HS6ST2: variants seen among roughly 807,000 people sequenced by gnomAD.
HS6ST2 encodes heparan sulfate 6-O-sulfotransferase 2.
In HS6ST2, 17 loss-of-function variants were observed where a neutral mutation model predicts 33.0. The observed-to-expected ratio is 0.52, with a 90% confidence interval of 0.35 to 0.77. HS6ST2 has a LOEUF of 0.77. Ranked by LOEUF, HS6ST2 falls within the 30% of genes least tolerant of loss-of-function variation. The pLI, the probability that HS6ST2 is intolerant of heterozygous loss-of-function variation, is 0.01. For missense variants in HS6ST2, 519 were observed against 551.7 expected (o/e 0.94, Z 0.59); for synonymous variants, 248 against 237.1 (o/e 1.05, Z -0.42).
intron 2 of HS6ST2, among the ~76,000 whole-genome samples, chrX:132,892,507 T>C (rs2066326795): frequency 8.9e-6 from 1 of 112,311 alleles, no homozygotes; most frequent in Non-Finnish European, 1.9e-5. Flanking sequence ...TCCACAAATG[T>C]TCAAGAGCCT....
At chrX:132,803,667 T>G (rs1039048818) in intron 2 of HS6ST2, among the ~76,000 whole-genome samples, 3 of 111,702 alleles carry the variant, frequency 2.7e-5, no homozygotes, top group African/African-American at 9.8e-5. Flanking sequence ...CCTCGGCCTC[T>G]CAAAGTGCTG....
At chrX:132,673,138 T>C (rs2063896999) in intron 3 of HS6ST2, among the ~76,000 whole-genome samples, 1 of 112,725 alleles carries the variant, frequency 8.9e-6, no homozygotes, top group African/African-American at 3.2e-5. Flanking sequence ...GGTTTGGCTA[T>C]GATATTTATT....
At chrX:132,840,728 A>G (rs1471004999) in intron 2 of HS6ST2, among the ~76,000 whole-genome samples, 1 of 111,554 alleles carries the variant, frequency 9.0e-6, no homozygotes, top group Non-Finnish European at 1.9e-5. Flanking sequence ...TAAGAATTGA[A>G]GTCAATTCTA....
At chrX:132,784,589 T>C (rs1363527638) in intron 2 of HS6ST2, among the ~76,000 whole-genome samples, 1 of 111,802 alleles carries the variant, frequency 8.9e-6, no homozygotes, top group Non-Finnish European at 1.9e-5. Context: ...GGATCACAGG[T>C]GTGAGCCTCA....
chrX:132,653,474 C>T (rs1226300620), intron 4 of HS6ST2, among the ~76,000 whole-genome samples: 2 of 111,834 alleles, frequency 1.8e-5, no homozygotes, highest in East Asian at 5.6e-4. Context: ...GTGTTTCTAG[C>T]TCCATTATTT....
intron 2 of HS6ST2, among the ~76,000 whole-genome samples, chrX:132,797,836 A>G (rs766931690): frequency 2.7e-5 from 3 of 109,315 alleles, no homozygotes; most frequent in African/African-American, 1.0e-4. Flanking sequence ...ACATGGTGAA[A>G]GCCAGTCTCT....
intron 2 of HS6ST2, among the ~76,000 whole-genome samples, chrX:132,806,680 A>G (rs2065286855): frequency 9.1e-6 from 1 of 110,050 alleles, no homozygotes; most frequent in Non-Finnish European, 1.9e-5. Context: ...GGACACTGAA[A>G]TTTGAATTTC....
chrX:132,898,181 C>T (rs754273699), intron 2 of HS6ST2, among the ~76,000 whole-genome samples: 5 of 109,682 alleles, frequency 4.6e-5, no homozygotes, highest in Non-Finnish European at 9.5e-5. Context: ...CCATCCCCCA[C>T]CTCCCCCTGT....
At chrX:132,631,807 T>C (rs937755710) in intron 4 of HS6ST2, among the ~76,000 whole-genome samples, 2 of 111,100 alleles carry the variant, frequency 1.8e-5, no homozygotes, top group Admixed American at 1.9e-4. Context: ...CTGGTAAATA[T>C]TAAGAGTGCA....
chrX:132,945,280 A>G (rs1488385232), intron 2 of HS6ST2, among the ~76,000 whole-genome samples: 1 of 112,265 alleles, frequency 8.9e-6, no homozygotes, highest in Admixed American at 9.4e-5. Context: ...GCCATCAGAG[A>G]AATGCAAATC....
At chrX:132,890,230 T>A (rs999795139) in intron 2 of HS6ST2, among the ~76,000 whole-genome samples, 1 of 109,610 alleles carries the variant, frequency 9.1e-6, no homozygotes, top group Non-Finnish European at 1.9e-5. Context: ...ATCATTATTC[T>A]TATGTTGCAG....
chrX:132,631,043 C>T (rs940789513), intron 4 of HS6ST2, among the ~76,000 whole-genome samples: 1 of 111,476 alleles, frequency 9.0e-6, no homozygotes, highest in African/African-American at 3.3e-5. Flanking sequence ...GGGCTCTGTC[C>T]TATTCTTCTA....
chrX:132,720,090 A>G (rs1051764666), intron 2 of HS6ST2, among the ~76,000 whole-genome samples: 1 of 112,433 alleles, frequency 8.9e-6, no homozygotes, highest in African/African-American at 3.2e-5. Flanking sequence ...CAGCCCCACC[A>G]TGGTTTCCCT....
At chrX:132,761,176 G>C (rs1253313914) in intron 2 of HS6ST2, among the ~76,000 whole-genome samples, 2 of 111,936 alleles carry the variant, frequency 1.8e-5, no homozygotes, top group Non-Finnish European at 3.8e-5. Flanking sequence ...GAAAGGTACA[G>C]AAAATGAAGC....
In HS6ST2 at chrX:132,760,086, A is replaced by C. The variant is rs755796095; in HGVS notation, c.948-51592T>G. 4.5e-5 allele frequency among the ~76,000 whole-genome samples: 5 copies of C among 111,779 alleles called. No individual in the cohort carries two copies. In the South Asian group the frequency reaches 1.9e-3, roughly 42 times the overall value. Reference sequence around the variant, plus strand: ...ATCAATCAGTGTGCATATAGGAGGAAGAGTTTTCTGCGTCTATAAAAGCTC... The same window carrying C: ...ATCAATCAGTGTGCATATAGGAGGACGAGTTTTCTGCGTCTATAAAAGCTC... On this transcript the variant is annotated intron_variant, in intron 2 of 4. Coordinates refer to ENST00000370833, the MANE Select transcript of HS6ST2 (RefSeq NM_001394073.1).
chrX:132,741,263 T>C (rs1430482502), intron 2 of HS6ST2, among the ~76,000 whole-genome samples: 1 of 110,342 alleles, frequency 9.1e-6, no homozygotes, highest in Non-Finnish European at 1.9e-5. Flanking sequence ...AAAGGCAGCA[T>C]GGTGTAGAAG....
chrX:132,749,131 A>G lies in HS6ST2; in HGVS notation c.948-40637T>C, dbSNP rs370196407. On this transcript the variant is annotated intron_variant, in intron 2 of 4. Transcript: ENST00000370833. ...GCCTTTCCTGACCCTCTCCCCTCAC[A>G]GGCAGAGTAATCCATCCTTCCTTCG... Among the ~76,000 whole-genome samples, 3 of 111,960 alleles carry G rather than the reference A, an allele frequency of 2.7e-5. No individual in the cohort carries two copies. In the East Asian group the frequency reaches 8.5e-4, roughly 32 times the overall value.
intron 2 of HS6ST2, among the ~76,000 whole-genome samples, chrX:132,769,092 T>A (rs2064873589): frequency 8.9e-6 from 1 of 111,919 alleles, no homozygotes; most frequent in African/African-American, 3.2e-5. Flanking sequence ...GGCAGGAAGG[T>A]AATGCCAGAC....
chrX:132,856,383 T>C lies in HS6ST2; in HGVS notation c.947+100425A>G, dbSNP rs182765097. Among the ~76,000 whole-genome samples the C allele has an allele frequency of 1.7e-4, 19 of 112,181 alleles. 1 individual carries two copies. The highest frequency in any genetic ancestry group is 6.1e-4 in the African/African-American group (19 of 30,917). On this transcript the variant is annotated intron_variant, in intron 2 of 4. Coordinates refer to ENST00000370833, the MANE Select transcript of HS6ST2 (RefSeq NM_001394073.1). ...AGTATGTGTAGGAAAGAACATAGTA[T>C]ATATAGGGTTTCAGGCATCCGCCGG...
Sources: gnomAD v4.1 joint callset for allele counts (sites outside exome capture counted in the v4.1 genomes callset) on GRCh38, gnomAD v4.1.1 for gene constraint, MANE v1.5 for transcripts, NCBI Gene and HGNC (gene_info 2026-07-23, HGNC 2026-07-21) for gene names.